Variants in DENND4C observed in about 807,000 individuals in gnomAD.
DENND4C encodes DENN domain-containing protein 4C.
DENND4C carries 108 observed loss-of-function variants against 203.0 expected under a neutral mutation model. That is an observed-to-expected ratio of 0.53 (90% confidence interval 0.46 to 0.62). The LOEUF is 0.62. Among genes scored for constraint, DENND4C ranks in the 20% least tolerant of loss-of-function variants. The pLI is 0.00. For synonymous variants in DENND4C, 871 were observed against 792.4 expected, an observed-to-expected ratio of 1.10 and a Z score of -1.67; for missense variants, 2,481 against 2,301.2, an observed-to-expected ratio of 1.08 and a Z score of -1.60.
rs375928640 is a variant in DENND4C at position 19,296,224 on chromosome 9, C to T, written c.1018C>T (p.Pro340Ser). Residue 340 changes from proline (P) to serine (S), a missense_variant, in exon 6 of 33, where the codon CCA becomes TCA. By Grantham distance (74) the Pro-to-Ser change is moderately conservative (BLOSUM62 -1). This residue lies in a region of DENND4C where 2,289 missense variants were observed against 2,113.3 expected (regional missense o/e 1.08). Coordinates refer to ENST00000434457, the MANE Select transcript of DENND4C (RefSeq NM_001330640.2). ...TATCTACAAACTTTCTGTGTCTGGA[C>T]CACATCCTCTTCCCATTGAAAAGTA... ...MFIYKLSVSGPHPLPIEKHIS... is the reference protein window; with the variant it reads ...MFIYKLSVSGSHPLPIEKHIS... The T allele has an allele frequency of 2.5e-6, 4 of 1,609,530 alleles. No individual in the cohort carries two copies. The highest frequency in any genetic ancestry group is 1.6e-4 in the Middle Eastern group (1 of 6,064).
intron 16 of DENND4C, among the ~76,000 whole-genome samples, chr9:19,331,122 A>C (rs1431690007): frequency 6.6e-6 from 1 of 152,084 alleles, no homozygotes; most frequent in Non-Finnish European, 1.5e-5. Flanking sequence ...TTTCTCTTCT[A>C]CCTAAATCTG....
Position 19,274,697 on chromosome 9 carries a change from GCTTA to G in DENND4C, c.-17-1456_-17-1453del, listed in dbSNP as rs1025020973. On this transcript the variant is annotated intron_variant, in intron 1 of 32. Coordinates refer to ENST00000434457, the MANE Select transcript of DENND4C (RefSeq NM_001330640.2). ...ATATAAAAGATTTAATGATTCCTGA[GCTTA>G]CTTATTTTACATGGTATTTATGGAA... Among the ~76,000 whole-genome samples, 22 of 152,332 alleles carry G rather than the reference GCTTA, an allele frequency of 1.4e-4. 2 individuals carry two copies. The highest frequency in any genetic ancestry group is 4.6e-4 in the Admixed American group (7 of 15,294).
chr9:19,331,586 G>A (rs1380094338), intron 16 of DENND4C, among the ~76,000 whole-genome samples: 2 of 152,150 alleles, frequency 1.3e-5, no homozygotes, highest in African/African-American at 2.4e-5. Context: ...ATCTTGGCAG[G>A]AGATAGCCTA....
chr9:19,361,763 C>T, intron 29 of DENND4C, 83 bp from the exon 30 acceptor site: 1 of 738,738 alleles, frequency 1.4e-6, no homozygotes, highest in Non-Finnish European at 2.2e-6. Flanking sequence ...AAGGACTCAT[C>T]TGTTTTATAT....
At chr9:19,304,918 T>G (rs1460104542) in intron 9 of DENND4C, among the ~76,000 whole-genome samples, 1 of 151,658 alleles carries the variant, frequency 6.6e-6, no homozygotes, top group Non-Finnish European at 1.5e-5. Context: ...GTTTTTTTTT[T>G]TTTTTAAATC....
In DENND4C at chr9:19,346,185, C is replaced by A. The variant is rs769365812; in HGVS notation, c.3416C>A (p.Ser1139Tyr). 13 of 1,614,084 alleles carry A rather than the reference C, an allele frequency of 8.1e-6. No individual in the cohort carries two copies. In the Admixed American group the frequency reaches 2.2e-4, roughly 27 times the overall value. ...LTAALTCPKT[S>Y]LLHIARTHSF... ...GCAGCATTGACATGTCCTAAGACTT[C>A]TCTACTTCATATTGCAAGAACCCAT... is the stretch of plus-strand genomic sequence containing the variant. The change falls in exon 23 of 33, where the codon TCT becomes TAT. Residue 1139 changes from serine (S) to tyrosine (Y), a missense_variant. This residue lies in a region of DENND4C where 2,289 missense variants were observed against 2,113.3 expected (regional missense o/e 1.08). Transcript: ENST00000434457.
chr9:19,277,280 A>G (rs1427396315), intron 2 of DENND4C, among the ~76,000 whole-genome samples: 4 of 152,138 alleles, frequency 2.6e-5, no homozygotes, highest in Admixed American at 2.0e-4. Context: ...TAATCTGCAG[A>G]GTATTGTCAT....
intron 1 of DENND4C, among the ~76,000 whole-genome samples, chr9:19,236,180 T>G (rs1479014997): frequency 6.6e-6 from 1 of 152,080 alleles, no homozygotes; most frequent in Non-Finnish European, 1.5e-5. Context: ...TTCTATCTGC[T>G]AGGAATAATA....
intron 1 of DENND4C, among the ~76,000 whole-genome samples, chr9:19,246,603 G>A (rs990882360): frequency 1.3e-5 from 2 of 151,496 alleles, no homozygotes; most frequent in African/African-American, 4.8e-5. Flanking sequence ...TCTCTGCAGC[G>A]AAAATGATTC....
At chr9:19,335,689 CT>C (rs1196626487) in intron 18 of DENND4C, among the ~76,000 whole-genome samples, 8 of 151,944 alleles carry the variant, frequency 5.3e-5, no homozygotes, top group Non-Finnish European at 7.4e-5. Flanking sequence ...ACTGGGTTTC[CT>C]TTTTTATTTC....
chr9:19,257,584 G>C (rs1452256763), intron 1 of DENND4C, among the ~76,000 whole-genome samples: 1 of 151,820 alleles, frequency 6.6e-6, no homozygotes, highest in East Asian at 1.9e-4. Context: ...ATATGAAACA[G>C]AAAAGCAAGA....
intron 1 of DENND4C, among the ~76,000 whole-genome samples, chr9:19,263,657 A>ATTTTTTTT (rs111309104): frequency 3.5e-4 from 35 of 99,316 alleles, no homozygotes; most frequent in African/African-American, 8.9e-4. Context: ...TTTTCTTCCC[A>ATTTTTTTT]TTTTTTTTTT....
In DENND4C at chr9:19,372,238, A is replaced by T. The variant is rs954714932; in HGVS notation, c.*65A>T. ...ATTAGATTTCATCTGGAAACATTCA[A>T]GTTTTTTTTTCCAAATCGTAAGAAC... On this transcript the variant is annotated 3_prime_UTR_variant, in exon 33 of 33. Coordinates refer to ENST00000434457, the MANE Select transcript of DENND4C (RefSeq NM_001330640.2). 6.4e-7 allele frequency: 1 copy of T among 1,552,356 alleles called. No homozygotes were observed. The highest frequency in any genetic ancestry group is 1.4e-5 in the African/African-American group (1 of 72,356).
intron 1 of DENND4C, among the ~76,000 whole-genome samples, chr9:19,275,444 C>T (rs1179055929): frequency 6.6e-6 from 1 of 152,108 alleles, no homozygotes; most frequent in East Asian, 1.9e-4. Context: ...CAGGCGCACA[C>T]CACCACGCCT....
chr9:19,306,144 C>T (rs1839605919), intron 10 of DENND4C, among the ~76,000 whole-genome samples: 1 of 152,054 alleles, frequency 6.6e-6, no homozygotes. Context: ...ACTTCCCCAC[C>T]AAAAGTGGGA....
intron 1 of DENND4C, among the ~76,000 whole-genome samples, chr9:19,232,888 T>C (rs1021417503): frequency 7.2e-5 from 11 of 152,164 alleles, no homozygotes; most frequent in Non-Finnish European, 1.5e-4. Context: ...CTTTGCTCTT[T>C]GTGTATCTGC....
rs374510565 is a variant in DENND4C at position 19,310,920 on chromosome 9, T to C, written c.1487+5393T>C. 9.8e-5 allele frequency among the ~76,000 whole-genome samples: 15 copies of C among 152,316 alleles called. No individual in the cohort carries two copies. The East Asian group carries it at 2.5e-3, about 25-fold the overall frequency. ...TGTATTCCTGAAATAAACATCATTA[T>C]AGTGGATTAAATTTGCTAAGAATTT... On this transcript the variant is annotated intron_variant, in intron 10 of 32. Coordinates refer to ENST00000434457, the MANE Select transcript of DENND4C (RefSeq NM_001330640.2).
At chr9:19,259,977 T>A (rs1334640751) in intron 1 of DENND4C, among the ~76,000 whole-genome samples, 1 of 152,182 alleles carries the variant, frequency 6.6e-6, no homozygotes, top group Non-Finnish European at 1.5e-5. Context: ...GGTATATATC[T>A]ATCATAGGGG....
chr9:19,370,210 C>A, intron 31 of DENND4C: 1 of 517,014 alleles, frequency 1.9e-6, no homozygotes, highest in Non-Finnish European at 3.4e-6. Context: ...GTAATCCCAG[C>A]ACTTTGGGTG....
Sources: allele counts gnomAD v4.1 joint callset (sites outside exome capture counted in the v4.1 genomes callset), GRCh38; gene constraint gnomAD v4.1.1; regional missense constraint gnomAD v4.1.1; transcripts MANE v1.5; gene names NCBI Gene and HGNC (gene_info 2026-07-23, HGNC 2026-07-21).